Variants in MRTO4 observed in about 807,000 individuals in gnomAD.
MRTO4 encodes MRT4 homolog, ribosome maturation factor, also known as mRNA turnover protein 4 homolog.
Under a neutral mutation model 28.6 loss-of-function variants are expected in MRTO4, and 7 were observed. The observed-to-expected ratio is 0.24, with a 90% CI of 0.14 to 0.46. MRTO4 has a LOEUF of 0.46. Ranked by LOEUF, MRTO4 falls within the 20% of genes least tolerant of loss-of-function variation. The probability of loss-of-function intolerance (pLI) is 0.99; values close to 1 mark genes in which losing one functional copy is unlikely to be tolerated. For synonymous variants in MRTO4, 113 were observed against 108.2 expected (o/e 1.04, Z -0.27); for missense variants, 302 against 298.3 (o/e 1.01, Z -0.09).
rs200319651 is a variant in MRTO4 at position 19,257,136 on chromosome 1, C to A, written c.264C>A (p.Asn88Lys). ...GRSPSDEYKD[N>K]LHQVSKRLRG... ...GCCCATCTGATGAATACAAAGACAACCTGCACCAGGTAAGTCTCTGGCCCT... is the reference window on the plus strand; with the variant it reads ...GCCCATCTGATGAATACAAAGACAAACTGCACCAGGTAAGTCTCTGGCCCT... Residue 88 changes from asparagine (N) to lysine (K), a missense_variant, in exon 4 of 8, where the codon AAC (asparagine) becomes AAA (lysine). Transcript: ENST00000330263. 1.2e-6 allele frequency: 2 copies of A among 1,614,100 alleles called. No individual in the cohort carries two copies. The highest frequency in any genetic ancestry group is 4.5e-5 in the East Asian group (2 of 44,876).
chr1:19,255,841 T>C (rs977326263), intron 2 of MRTO4, 107 bp from the exon 3 acceptor site: 9 of 903,664 alleles, frequency 1.0e-5, no homozygotes, highest in African/African-American at 3.3e-5. Flanking sequence ...TTCTTCCAGT[T>C]TCCATAGTTG....
In MRTO4 at chr1:19,258,523, T is replaced by C; in HGVS notation, c.540T>C (p.Asp180=). Residue 180 remains aspartate, a synonymous_variant, in exon 7 of 8, where the codon GAT becomes GAC. Coordinates refer to ENST00000330263, the MANE Select transcript of MRTO4 (RefSeq NM_016183.4). ...LSDYEVCKEG[D]VLTPEQARVL... ...ACTACGAGGTGTGCAAGGAGGGCGA[T>C]GTGCTGACCCCAGAGCAGGCTCGCG... is the stretch of plus-strand genomic sequence containing the variant. 1.2e-6 allele frequency: 2 copies of C among 1,614,132 alleles called. No homozygotes were observed. Among genetic ancestry groups the C allele is most frequent in the Non-Finnish European group, 1.7e-6 (2 of 1,180,036 alleles).
Position 19,251,869 on chromosome 1 carries a change from C to A in MRTO4, c.28+6C>A. 6.3e-7 allele frequency: 1 copy of A among 1,591,574 alleles called. No homozygotes were observed. Among genetic ancestry groups the A allele is most frequent in the Non-Finnish European group, 8.5e-7 (1 of 1,169,740 alleles). ...ATCCAAGCGCGACAAGAAAGGTGGG[C>A]GAAGGGGGAGTCGGGACCCTGGGGG... On this transcript the variant is annotated splice_donor_region_variant and intron_variant, in intron 1 of 7. Coordinates refer to ENST00000330263, the MANE Select transcript of MRTO4 (RefSeq NM_016183.4).
chr1:19,255,694 G>T (rs1310429150), intron 2 of MRTO4, among the ~76,000 whole-genome samples: 2 of 152,180 alleles, frequency 1.3e-5, no homozygotes, highest in Non-Finnish European at 2.9e-5. Flanking sequence ...CTGATGATCA[G>T]TTCCACTGTT....
At chr1:19,255,788 T>G (rs1298997991) in intron 2 of MRTO4, among the ~76,000 whole-genome samples, 160 bp from the exon 3 acceptor site, 1 of 152,018 alleles carries the variant, frequency 6.6e-6, no homozygotes, top group Non-Finnish European at 1.5e-5. Flanking sequence ...GGATCCTAAT[T>G]TCAGTAATGG....
At position 19,259,135 on chromosome 1, in the gene MRTO4, T is replaced by C; in HGVS notation, c.*305T>C. On this transcript the variant is annotated 3_prime_UTR_variant, in exon 8 of 8. Coordinates refer to ENST00000330263, the MANE Select transcript of MRTO4 (RefSeq NM_016183.4). ...AAAAAACTAGTTGGGCATAGTGGCATGTGCCTGTAGTCCCAGCTACTCAGG... is the reference window on the plus strand; with the variant it reads ...AAAAAACTAGTTGGGCATAGTGGCACGTGCCTGTAGTCCCAGCTACTCAGG... 1 of 222,914 alleles carries C rather than the reference T, an allele frequency of 4.5e-6. No individual in the cohort carries two copies. The highest frequency in any genetic ancestry group is 5.2e-5 in the Admixed American group (1 of 19,384). 13.8% of individuals were successfully genotyped at this position (222,914 alleles called of 1,614,324 possible).
In MRTO4 at chr1:19,259,335, G is replaced by C. The variant is rs971017267; in HGVS notation, c.*505G>C. On this transcript the variant is annotated 3_prime_UTR_variant, in exon 8 of 8. Coordinates refer to ENST00000330263, the MANE Select transcript of MRTO4 (RefSeq NM_016183.4). ...ACAGCAAGAGGGAGAGGAGGGAGAG[G>C]GCTCTTTCTTAGAAAAGAGGCCTTT... The C allele has an allele frequency of 6.6e-6, 1 of 152,282 alleles. No individual in the cohort carries two copies. The highest frequency in any genetic ancestry group is 2.4e-5 in the African/African-American group (1 of 41,334). 9.4% of individuals were successfully genotyped at this position (152,282 alleles called of 1,614,324 possible).
chr1:19,257,695 T>G, intron 5 of MRTO4, 138 bp from the exon 6 acceptor site: 1 of 1,373,382 alleles, frequency 7.3e-7, no homozygotes, highest in South Asian at 1.3e-5. Context: ...AGCATGGTGC[T>G]CTGGGCTGGC....
At chr1:19,253,925 A>C (rs1359894652) in intron 1 of MRTO4, among the ~76,000 whole-genome samples, 1 of 152,166 alleles carries the variant, frequency 6.6e-6, no homozygotes, top group Admixed American at 6.5e-5. Context: ...AGCCATTTTT[A>C]CAGTAGAGGT....
In MRTO4 at chr1:19,258,974, A is replaced by G; in HGVS notation, c.*144A>G. 1 of 1,101,564 alleles carries G rather than the reference A, an allele frequency of 9.1e-7. No individual in the cohort carries two copies. The highest frequency in any genetic ancestry group is 2.6e-5 in the East Asian group (1 of 38,256). The allele number at this position is 1,101,564 out of a possible 1,614,324, so 68.2% of individuals were successfully genotyped here. The stretch of plus-strand genomic sequence containing the variant: ...GGCACTGACCTCCTGTAAAGAATAA[A>G]ACTGTGGGCCGGGCGCGGTGGCTCA... On this transcript the variant is annotated 3_prime_UTR_variant, in exon 8 of 8. Transcript: ENST00000330263.
intron 3 of MRTO4, 92 bp from the exon 4 acceptor site, chr1:19,256,972 C>G: frequency 7.9e-7 from 1 of 1,269,788 alleles, no homozygotes; most frequent in Non-Finnish European, 1.1e-6. Flanking sequence ...TGGGCCTGAG[C>G]TCACTGGGGA....
intron 4 of MRTO4, 111 bp downstream of exon 4, chr1:19,257,256 C>A: frequency 7.8e-7 from 1 of 1,279,014 alleles, no homozygotes; most frequent in Non-Finnish European, 1.1e-6. Context: ...TCAGGGAGAG[C>A]AGGGCCTGGC....
intron 1 of MRTO4, among the ~76,000 whole-genome samples, chr1:19,252,969 C>T (rs1318269311): frequency 1.3e-5 from 2 of 152,164 alleles, no homozygotes; most frequent in African/African-American, 4.8e-5. Context: ...CGTTTTTGAC[C>T]ACCTTTGCTG....
chr1:19,255,244 A>G (rs1050754132), intron 2 of MRTO4, among the ~76,000 whole-genome samples: 1 of 152,146 alleles, frequency 6.6e-6, no homozygotes, highest in African/African-American at 2.4e-5. Flanking sequence ...CTGTAATCCC[A>G]GCACTTTGGG....
rs558244885 is a variant in MRTO4, at chr1:19,257,946, A to C, written c.455A>C (p.Gln152Pro). 2 of 1,614,052 alleles carry C rather than the reference A, an allele frequency of 1.2e-6. No individual in the cohort carries two copies. Among genetic ancestry groups the C allele is most frequent in the Non-Finnish European group, 1.7e-6 (2 of 1,180,042 alleles). The change falls in exon 6 of 8, where the codon CAG (glutamine) becomes CCG (proline). Residue 152 changes from glutamine to proline, a missense_variant. Gln to Pro is a moderately conservative substitution (Grantham distance 76). Transcript: ENST00000330263. The part of the protein sequence containing the change: ...LEQFPHSMEP[Q>P]LRQLGLPTAL... ...CAGTTCCCCCACTCCATGGAGCCACAGCTCAGGCAGCTGGGCCTGCCCACC... is the reference window on the plus strand; with the variant it reads ...CAGTTCCCCCACTCCATGGAGCCACCGCTCAGGCAGCTGGGCCTGCCCACC...
chr1:19,257,575 G>T (rs924373862), intron 5 of MRTO4, 54 bp downstream of exon 5: 219 of 1,601,772 alleles, frequency 1.4e-4, no homozygotes, highest in Non-Finnish European at 1.6e-4. Flanking sequence ...GGATTTCAGG[G>T]AGGGAATGAT....
intron 5 of MRTO4, 82 bp downstream of exon 5, chr1:19,257,603 T>C (rs2093673477): frequency 1.3e-6 from 2 of 1,553,306 alleles, no homozygotes; most frequent in African/African-American, 2.7e-5. Context: ...CTTCGTTCCA[T>C]ATGTGGCATC....
Position 19,259,711 on chromosome 1 carries a change from T to G in MRTO4, c.*881T>G, listed in dbSNP as rs1462058861. 1 of 152,172 alleles carries G rather than the reference T, an allele frequency of 6.6e-6. No individual in the cohort carries two copies. The highest frequency in any genetic ancestry group is 1.5e-5 in the Non-Finnish European group (1 of 68,066). The allele number at this position is 152,172 out of a possible 1,614,324, so 9.4% of individuals were successfully genotyped here. ...GGCAGAGGGATTTGCTGAGGAAAATTAGGTATCCTTCCTAGCCCTCCACAC... is the reference window on the plus strand; with the variant it reads ...GGCAGAGGGATTTGCTGAGGAAAATGAGGTATCCTTCCTAGCCCTCCACAC... On this transcript the variant is annotated 3_prime_UTR_variant, in exon 8 of 8. Coordinates refer to ENST00000330263, the MANE Select transcript of MRTO4 (RefSeq NM_016183.4).
chr1:19,257,628 C>T (rs562510891), intron 5 of MRTO4, 107 bp downstream of exon 5: 1 of 1,436,918 alleles, frequency 7.0e-7, no homozygotes, highest in Non-Finnish European at 9.7e-7. Context: ...TGGAACTGCT[C>T]CTGGAAGCCT....
Sources: gnomAD v4.1 joint callset for allele counts (sites outside exome capture counted in the v4.1 genomes callset) on GRCh38, gnomAD v4.1.1 for gene constraint, MANE v1.5 for transcripts, NCBI Gene and HGNC (gene_info 2026-07-23, HGNC 2026-07-21) for gene names.